The following FAM227B variants were observed in gnomAD, a reference collection of about 807,000 sequenced individuals.
FAM227B encodes the protein protein FAM227B.
A neutral mutation model predicts 73.8 loss-of-function variants in FAM227B; 88 were observed. The ratio of observed to expected loss-of-function variants is 1.19; its 90% confidence interval spans 1.00 to 1.42. The LOEUF (loss-of-function observed/expected upper bound fraction) is 1.42, where lower values mean the gene tolerates loss of function less well. Among genes scored for constraint, FAM227B ranks in the 40% most tolerant of loss-of-function variants. FAM227B has a pLI of 0.00. For synonymous variants in FAM227B, 210 were observed against 190.5 expected (o/e 1.10, Z -0.84); for missense variants, 632 against 590.9 (o/e 1.07, Z -0.72).
Position 49,587,499 on chromosome 15 carries a change from A to T in FAM227B, c.405+517T>A, listed in dbSNP as rs542749562. ...AACTGAAAATAAAAGTTAAATTTTTAAAAATAAAGCATTAAATGAGGTGGC... is the reference window on the plus strand; with the variant it reads ...AACTGAAAATAAAAGTTAAATTTTTTAAAATAAAGCATTAAATGAGGTGGC... On this transcript the variant is annotated intron_variant, in intron 5 of 15. Coordinates refer to ENST00000299338, the MANE Select transcript of FAM227B (RefSeq NM_152647.3). Among the ~76,000 whole-genome samples the T allele has an allele frequency of 8.5e-5, 13 of 152,292 alleles. No individual in the cohort carries two copies. In the South Asian group the frequency reaches 2.7e-3, roughly 32 times the overall value.
chr15:49,357,270 C>G (rs895254992), intron 13 of FAM227B, among the ~76,000 whole-genome samples: 1 of 150,162 alleles, frequency 6.7e-6, no homozygotes, highest in African/African-American at 2.5e-5. Flanking sequence ...CACAAAAAAC[C>G]CTTCAAAAAA....
chr15:49,359,013 G>A lies in FAM227B; in HGVS notation c.1271+8435C>T, dbSNP rs796269812. Among the ~76,000 whole-genome samples the A allele has an allele frequency of 4.6e-5, 7 of 152,060 alleles. No homozygotes were observed. The South Asian group carries it at 1.5e-3, about 32-fold the overall frequency. On this transcript the variant is annotated intron_variant, in intron 13 of 15. Coordinates refer to ENST00000299338, the MANE Select transcript of FAM227B (RefSeq NM_152647.3). The stretch of plus-strand genomic sequence containing the variant: ...AAGGATTCCCTATTTAATAAATGGT[G>A]CTGGGAAAACTGGCTAGCCATATGT...
intron 11 of FAM227B, among the ~76,000 whole-genome samples, chr15:49,426,463 G>C (rs1403539578): frequency 6.6e-6 from 1 of 151,856 alleles, no homozygotes; most frequent in Non-Finnish European, 1.5e-5. Context: ...AAGCAAAAAA[G>C]TAGATGTAAA....
intron 11 of FAM227B, chr15:49,484,575 A>G (rs2056249887): frequency 5.4e-6 from 4 of 739,990 alleles, no homozygotes; most frequent in Non-Finnish European, 8.0e-6. Flanking sequence ...CTTTCTTCTC[A>G]AAATTTTCTT....
chr15:49,482,917 T>G (rs1449328488), intron 11 of FAM227B, among the ~76,000 whole-genome samples: 3 of 151,954 alleles, frequency 2.0e-5, no homozygotes, highest in Non-Finnish European at 4.4e-5. Flanking sequence ...ATTTATTTGA[T>G]ACAGACACAT....
At chr15:49,422,042 A>G (rs2049680692) in intron 11 of FAM227B, among the ~76,000 whole-genome samples, 1 of 151,886 alleles carries the variant, frequency 6.6e-6, no homozygotes, top group African/African-American at 2.4e-5. Flanking sequence ...ATAAACTATA[A>G]TCCAGTTGAG....
At chr15:49,340,330 T>A (rs2040484519) in intron 13 of FAM227B, among the ~76,000 whole-genome samples, 3 of 151,654 alleles carry the variant, frequency 2.0e-5, no homozygotes, top group Admixed American at 2.0e-4. Context: ...CACGGTACAG[T>A]CCCTAATGGC....
chr15:49,333,417 T>C (rs982035455), intron 14 of FAM227B, among the ~76,000 whole-genome samples: 5 of 152,202 alleles, frequency 3.3e-5, no homozygotes, highest in African/African-American at 1.2e-4. Context: ...TTTGAATACT[T>C]CTTGTGAGTT....
chr15:49,406,578 C>T (rs576160926), intron 11 of FAM227B, among the ~76,000 whole-genome samples: 2 of 145,784 alleles, frequency 1.4e-5, no homozygotes, highest in African/African-American at 2.5e-5. Flanking sequence ...GGGTGCTGGC[C>T]GGGGTGGGGC....
intron 11 of FAM227B, among the ~76,000 whole-genome samples, chr15:49,437,039 C>A (rs975776573): frequency 1.3e-5 from 2 of 151,528 alleles, no homozygotes; most frequent in Non-Finnish European, 3.0e-5. Context: ...TGCTAAGATG[C>A]TACAAAATTT....
At chr15:49,559,941 C>T (rs1567580195) in intron 9 of FAM227B, among the ~76,000 whole-genome samples, 2 of 127,178 alleles carry the variant, frequency 1.6e-5, no homozygotes, top group African/African-American at 3.3e-5. Context: ...AAGACTGTCT[C>T]GAAAAAAAAA....
At chr15:49,370,493 G>T (rs1261748594) in intron 12 of FAM227B, among the ~76,000 whole-genome samples, 2 of 152,198 alleles carry the variant, frequency 1.3e-5, no homozygotes, top group Admixed American at 1.3e-4. Context: ...TATCTGAAGT[G>T]CCTGCAAACC....
chr15:49,380,507 C>T (rs1190927342), intron 11 of FAM227B, among the ~76,000 whole-genome samples: 1 of 151,760 alleles, frequency 6.6e-6, no homozygotes, highest in East Asian at 1.9e-4. Flanking sequence ...CCAAATGAAA[C>T]ACTAAGTAAA....
intron 11 of FAM227B, among the ~76,000 whole-genome samples, chr15:49,476,558 G>T (rs916079165): frequency 2.0e-5 from 3 of 151,686 alleles, no homozygotes; most frequent in Admixed American, 6.6e-5. Context: ...TATCCATTGG[G>T]TAAGAAGATC....
At chr15:49,342,422 T>G (rs962171207) in intron 13 of FAM227B, among the ~76,000 whole-genome samples, 1 of 152,168 alleles carries the variant, frequency 6.6e-6, no homozygotes, top group African/African-American at 2.4e-5. Flanking sequence ...GGGGTGGGTG[T>G]TGTTACTTGT....
intron 12 of FAM227B, among the ~76,000 whole-genome samples, chr15:49,369,338 G>A (rs1440340888): frequency 6.6e-6 from 1 of 152,144 alleles, no homozygotes; most frequent in Non-Finnish European, 1.5e-5. Context: ...CCAAACCAAT[G>A]AGCAGAAACC....
At chr15:49,371,020 T>C (rs908342862) in intron 12 of FAM227B, among the ~76,000 whole-genome samples, 3 of 152,196 alleles carry the variant, frequency 2.0e-5, no homozygotes, top group African/African-American at 7.2e-5. Flanking sequence ...ATGGAGCCTT[T>C]GTATGTCAAC....
At chr15:49,354,573 C>A (rs2042783719) in intron 13 of FAM227B, among the ~76,000 whole-genome samples, 1 of 152,242 alleles carries the variant, frequency 6.6e-6, no homozygotes, top group South Asian at 2.1e-4. Flanking sequence ...AGATTATATC[C>A]CGCACCTGGC....
intron 11 of FAM227B, among the ~76,000 whole-genome samples, chr15:49,443,994 A>G (rs2051934872): frequency 6.6e-6 from 1 of 151,718 alleles, no homozygotes; most frequent in Non-Finnish European, 1.5e-5. Context: ...TTTTGAGAGT[A>G]AAAGATTGTG....
Sources: gnomAD v4.1 joint callset for allele counts (sites outside exome capture counted in the v4.1 genomes callset) on GRCh38, gnomAD v4.1.1 for gene constraint, MANE v1.5 for transcripts, NCBI Gene and HGNC (gene_info 2026-07-23, HGNC 2026-07-21) for gene names.